The following FMO1 variants were observed in gnomAD, a reference collection of about 807,000 sequenced individuals.
The protein encoded by FMO1 is flavin containing dimethylaniline monoxygenase 1.
A neutral mutation model predicts 45.4 loss-of-function variants in FMO1; 36 were observed. That is an observed-to-expected ratio of 0.79 (90% confidence interval 0.61 to 1.05). FMO1 has a LOEUF of 1.05. Ranked by LOEUF, FMO1 falls within the 50% of genes least tolerant of loss-of-function variation. The pLI is 0.00. For missense variants in FMO1, 615 were observed against 640.3 expected (o/e 0.96, Z 0.43); for synonymous variants, 228 against 227.2 (o/e 1.00, Z -0.03).
rs1348907812 is a variant in FMO1 at position 171,285,261 on chromosome 1, T to A, written c.1316T>A (p.Leu439His). 6.2e-7 allele frequency: 1 copy of A among 1,613,880 alleles called. No individual in the cohort carries two copies. The highest frequency in any genetic ancestry group is 2.2e-5 in the East Asian group (1 of 44,886). Residue 439 changes from leucine to histidine, a missense_variant, in exon 9 of 9, where the codon CTC becomes CAC. Transcript: ENST00000617670. ...QSDYITYIDE[L>H]LTYINAKPNL... ...GATTATATCACATACATAGATGAACTCCTGACCTATATCAATGCAAAACCC... is the reference window on the plus strand; with the variant it reads ...GATTATATCACATACATAGATGAACACCTGACCTATATCAATGCAAAACCC...
At chr1:171,259,332 C>A (rs887038200) in intron 2 of FMO1, among the ~76,000 whole-genome samples, 3 of 152,142 alleles carry the variant, frequency 2.0e-5, no homozygotes. Context: ...AGTGTACCCA[C>A]CAAATGTGAT....
chr1:171,285,301 G>T lies in FMO1; in HGVS notation c.1356G>T (p.Met452Ile). 1 of 1,613,848 alleles carries T rather than the reference G, an allele frequency of 6.2e-7. No homozygotes were observed. The highest frequency in any genetic ancestry group is 8.5e-7 in the Non-Finnish European group (1 of 1,179,886). ...YINAKPNLFS[M>I]LLTDPHLALT... ...ATGCAAAACCCAACCTGTTCTCTAT[G>T]CTCCTAACGGATCCACATCTGGCTC... is the stretch of plus-strand genomic sequence containing the variant. Residue 452 changes from methionine to isoleucine, a missense_variant, in exon 9 of 9, where the codon ATG becomes ATT. Physicochemically the swap from Met to Ile is conservative, Grantham distance 10. Coordinates refer to ENST00000617670, the MANE Select transcript of FMO1 (RefSeq NM_001282693.2).
intron 3 of FMO1, among the ~76,000 whole-genome samples, chr1:171,274,178 T>C (rs895911904): frequency 6.1e-5 from 9 of 146,904 alleles, no homozygotes; most frequent in Admixed American, 2.7e-4. Context: ...TAAACACAAA[T>C]AGCTATTACT....
intron 5 of FMO1, among the ~76,000 whole-genome samples, chr1:171,279,642 C>T (rs902814289): frequency 2.0e-5 from 3 of 152,086 alleles, no homozygotes; most frequent in African/African-American, 7.2e-5. Context: ...TCACTGCCAC[C>T]CACAACAAGC....
chr1:171,283,358 G>T (rs931268154), intron 8 of FMO1, 142 bp downstream of exon 8: 2 of 472,098 alleles, frequency 4.2e-6, no homozygotes, highest in Admixed American at 1.0e-4. Flanking sequence ...GAGAAAAAAA[G>T]AAGCATCTGA....
intron 3 of FMO1, chr1:171,270,945 A>C: frequency 1.2e-6 from 1 of 841,784 alleles, no homozygotes; most frequent in Non-Finnish European, 2.0e-6. Flanking sequence ...AACCGCTAGA[A>C]CCAACTTATT....
At chr1:171,265,498 G>A (rs1275753603) in intron 2 of FMO1, among the ~76,000 whole-genome samples, 1 of 150,948 alleles carries the variant, frequency 6.6e-6, no homozygotes. Context: ...TATAGAGTCA[G>A]AAATTATAAA....
chr1:171,273,718 T>G (rs1051495431), intron 3 of FMO1, among the ~76,000 whole-genome samples: 1 of 152,162 alleles, frequency 6.6e-6, no homozygotes, highest in African/African-American at 2.4e-5. Context: ...GGTCTCACTA[T>G]GCCGCCCAGG....
At chr1:171,255,413 C>G (rs1227461057) in intron 1 of FMO1, among the ~76,000 whole-genome samples, 2 of 152,210 alleles carry the variant, frequency 1.3e-5, no homozygotes, top group African/African-American at 2.4e-5. Context: ...GTCCCCTGCT[C>G]AAGGTCTCCA....
At chr1:171,259,419 C>T (rs1660292460) in intron 2 of FMO1, among the ~76,000 whole-genome samples, 1 of 152,168 alleles carries the variant, frequency 6.6e-6, no homozygotes, top group Non-Finnish European at 1.5e-5. Flanking sequence ...CACATATGTT[C>T]CAACAGGATG....
intron 8 of FMO1, among the ~76,000 whole-genome samples, chr1:171,284,123 A>G (rs140537929): frequency 6.7e-6 from 1 of 150,286 alleles, no homozygotes; most frequent in South Asian, 2.1e-4. Flanking sequence ...TTATCTGTTC[A>G]TCTGTTTCTG....
intron 2 of FMO1, among the ~76,000 whole-genome samples, chr1:171,263,745 A>C (rs1486687137): frequency 1.3e-5 from 2 of 152,168 alleles, no homozygotes; most frequent in African/African-American, 4.8e-5. Flanking sequence ...AGTTCAAGGC[A>C]ACTGGTGGAC....
intron 3 of FMO1, among the ~76,000 whole-genome samples, chr1:171,269,191 G>C (rs930674456): frequency 6.6e-6 from 1 of 152,142 alleles, no homozygotes; most frequent in African/African-American, 2.4e-5. Context: ...CAGTAGAGTG[G>C]GGAGCTGGTG....
At chr1:171,278,041 G>A (rs957413657) in intron 4 of FMO1, among the ~76,000 whole-genome samples, 1 of 152,168 alleles carries the variant, frequency 6.6e-6, no homozygotes, top group African/African-American at 2.4e-5. Flanking sequence ...CTCCATTCAT[G>A]TGATGTTTCA....
At chr1:171,259,216 A>G (rs1160979975) in intron 2 of FMO1, among the ~76,000 whole-genome samples, 1 of 152,178 alleles carries the variant, frequency 6.6e-6, no homozygotes, top group Non-Finnish European at 1.5e-5. Context: ...TAAAGTAATT[A>G]TTTTCTAGCT....
intron 3 of FMO1, among the ~76,000 whole-genome samples, chr1:171,269,823 C>A (rs1014220979): frequency 2.6e-5 from 4 of 152,128 alleles, no homozygotes; most frequent in African/African-American, 7.2e-5. Flanking sequence ...TATGAGGGGG[C>A]AAACCATAAT....
At chr1:171,277,685 A>G (rs1427110259) in intron 4 of FMO1, among the ~76,000 whole-genome samples, 1 of 152,152 alleles carries the variant, frequency 6.6e-6, no homozygotes, top group Non-Finnish European at 1.5e-5. Flanking sequence ...CTTTCTTCGC[A>G]ACAGTTCTCT....
At chr1:171,281,417 A>G (rs1661354606) in intron 6 of FMO1, among the ~76,000 whole-genome samples, 1 of 152,160 alleles carries the variant, frequency 6.6e-6, no homozygotes, top group African/African-American at 2.4e-5. Context: ...GCCCCTCACC[A>G]TCTCTCTAAT....
chr1:171,284,429 T>A (rs1005299526), intron 8 of FMO1, among the ~76,000 whole-genome samples: 1 of 152,042 alleles, frequency 6.6e-6, no homozygotes, highest in Non-Finnish European at 1.5e-5. Flanking sequence ...AATCTTCTTG[T>A]CACGCATGTC....
Sources: gnomAD v4.1 joint callset for allele counts (sites outside exome capture counted in the v4.1 genomes callset) on GRCh38, gnomAD v4.1.1 for gene constraint, MANE v1.5 for transcripts, NCBI Gene and HGNC (gene_info 2026-07-23, HGNC 2026-07-21) for gene names.